R3HDM1: variants seen among roughly 807,000 people sequenced by gnomAD.
The protein encoded by R3HDM1 is R3H domain containing 1, also known as R3H domain-containing protein 1.
A neutral mutation model predicts 141.1 loss-of-function variants in R3HDM1; 46 were observed. The ratio of observed to expected loss-of-function variants is 0.33; its 90% CI spans 0.26 to 0.42. The LOEUF (loss-of-function observed/expected upper bound fraction) is 0.42, where lower values mean the gene tolerates loss of function less well. R3HDM1 is among the 10% of genes least tolerant of loss of function. The pLI, the probability that R3HDM1 is intolerant of heterozygous loss-of-function variation, is 1.00. For missense variants in R3HDM1, 1,184 were observed against 1,368.3 expected, an observed-to-expected ratio of 0.87 and a Z score of 2.12; for synonymous variants, 435 against 472.9, an observed-to-expected ratio of 0.92 and a Z score of 1.04.
At chr2:135,687,480 T>C (rs966987586) in intron 21 of R3HDM1, among the ~76,000 whole-genome samples, 1 of 152,236 alleles carries the variant, frequency 6.6e-6, no homozygotes, top group African/African-American at 2.4e-5. Context: ...TCCATTTTAA[T>C]AGTTCACATG....
At chr2:135,709,598 C>T (rs1208249616) in intron 22 of R3HDM1, 62 bp downstream of exon 22, 4 of 1,572,550 alleles carry the variant, frequency 2.5e-6, no homozygotes, top group Non-Finnish European at 2.6e-6. Context: ...CGATTACTTT[C>T]CTTAGGCATT....
intron 19 of R3HDM1, 149 bp from the exon 20 acceptor site, chr2:135,675,183 T>C: frequency 1.3e-6 from 1 of 759,494 alleles, no homozygotes; most frequent in Non-Finnish European, 2.0e-6. Context: ...TGGGCTAAAA[T>C]GTTATTTCAT....
intron 1 of R3HDM1, among the ~76,000 whole-genome samples, chr2:135,544,170 C>T (rs1263379942): frequency 6.6e-6 from 1 of 152,126 alleles, no homozygotes; most frequent in Non-Finnish European, 1.5e-5. Context: ...TTATATTTGT[C>T]GACCTCTCGC....
Position 135,538,224 on chromosome 2 carries a change from A to G in R3HDM1, c.-250+6591A>G, listed in dbSNP as rs896340118. Among the ~76,000 whole-genome samples, 6 of 152,334 alleles carry G rather than the reference A, an allele frequency of 3.9e-5. 1 individual carries two copies. In the South Asian group the frequency reaches 1.2e-3, roughly 32 times the overall value. On this transcript the variant is annotated intron_variant, in intron 1 of 26. Transcript: ENST00000683871. The stretch of plus-strand genomic sequence containing the variant: ...TCTAACACCATGGTTAAGTATCTGT[A>G]TATGTAAATAAAGACAAGGTATGGT...
intron 20 of R3HDM1, among the ~76,000 whole-genome samples, chr2:135,677,054 G>T (rs987232689): frequency 3.3e-5 from 5 of 152,230 alleles, no homozygotes; most frequent in Non-Finnish European, 5.9e-5. Flanking sequence ...GAAACCTTTA[G>T]CTCTTCAAAG....
chr2:135,569,195 G>A (rs58143717), intron 1 of R3HDM1, among the ~76,000 whole-genome samples: 24,708 of 151,820 alleles, frequency 0.16, 5,538 homozygotes, highest in African/African-American at 0.51. Flanking sequence ...TTTTAATTTC[G>A]CAATTACTGC....
At chr2:135,685,976 A>T (rs935473547) in intron 21 of R3HDM1, among the ~76,000 whole-genome samples, 1 of 152,200 alleles carries the variant, frequency 6.6e-6, no homozygotes, top group Non-Finnish European at 1.5e-5. Context: ...ATATTAAGGA[A>T]ATCCTGTAAT....
At chr2:135,623,775 A>AT (rs2061726398) in intron 7 of R3HDM1, among the ~76,000 whole-genome samples, 1 of 152,238 alleles carries the variant, frequency 6.6e-6, no homozygotes, top group Middle Eastern at 3.2e-3. Flanking sequence ...AAGGTATTAC[A>AT]TAGAAGCTCT....
At chr2:135,622,284 A>G (rs2061582725) in intron 6 of R3HDM1, 1 of 984,706 alleles carries the variant, frequency 1.0e-6, no homozygotes, top group Non-Finnish European at 1.2e-6. Context: ...TTAATTTGCT[A>G]CAAATGTAGT....
chr2:135,586,912 T>G (rs1476648172), intron 1 of R3HDM1: 1 of 984,896 alleles, frequency 1.0e-6, no homozygotes, highest in Admixed American at 6.2e-5. Flanking sequence ...TTTTAAAAAT[T>G]TTATTGTGGA....
At chr2:135,562,981 G>A (rs914332087) in intron 1 of R3HDM1, among the ~76,000 whole-genome samples, 2 of 152,264 alleles carry the variant, frequency 1.3e-5, no homozygotes, top group Admixed American at 6.5e-5. Flanking sequence ...AAAAATAATA[G>A]TATCCCCTTT....
At chr2:135,622,442 A>G (rs181209949) in intron 6 of R3HDM1, 1 of 984,028 alleles carries the variant, frequency 1.0e-6, no homozygotes. Flanking sequence ...ATGTGCGTGG[A>G]TATGCAGTTA....
intron 21 of R3HDM1, among the ~76,000 whole-genome samples, chr2:135,695,661 GC>G (rs147977144): frequency 0.03 from 4,493 of 152,262 alleles, 201 homozygotes; most frequent in African/African-American, 0.093. Flanking sequence ...AAGAATGTCA[GC>G]CGACTTAGAA....
intron 21 of R3HDM1, among the ~76,000 whole-genome samples, chr2:135,700,052 G>C (rs1204599462): frequency 2.6e-5 from 4 of 152,018 alleles, no homozygotes; most frequent in Non-Finnish European, 5.9e-5. Flanking sequence ...CAAAATTGCT[G>C]TACTTTTAAA....
At chr2:135,543,121 A>C in intron 1 of R3HDM1, 3 of 980,302 alleles carry the variant, frequency 3.1e-6, no homozygotes, top group Non-Finnish European at 3.6e-6. Context: ...AGTCTCTGTA[A>C]TATGTAAAAT....
chr2:135,630,303 A>AAC (rs2062566989), intron 7 of R3HDM1, among the ~76,000 whole-genome samples: 1 of 146,680 alleles, frequency 6.8e-6, no homozygotes, highest in African/African-American at 2.6e-5. Context: ...AAAAAAAAAA[A>AAC]AAAAACAAAA....
At chr2:135,704,606 G>GATTACAGTC (rs2074660253) in intron 21 of R3HDM1, among the ~76,000 whole-genome samples, 1 of 151,904 alleles carries the variant, frequency 6.6e-6, no homozygotes. Flanking sequence ...AAGTAGCTGG[G>GATTACAGTC]ATTACAGTCA....
At chr2:135,627,792 TG>T (rs1352858239) in intron 7 of R3HDM1, among the ~76,000 whole-genome samples, 4 of 152,186 alleles carry the variant, frequency 2.6e-5, no homozygotes, top group African/African-American at 9.6e-5. Flanking sequence ...TCTTATCTGT[TG>T]CAGACATTTA....
chr2:135,637,300 G>A (rs2063354426), intron 11 of R3HDM1, among the ~76,000 whole-genome samples: 1 of 152,136 alleles, frequency 6.6e-6, no homozygotes, highest in Non-Finnish European at 1.5e-5. Flanking sequence ...TCCAAGTCGA[G>A]AGTCAGTATG....
Sources: gnomAD v4.1 joint callset for allele counts (sites outside exome capture counted in the v4.1 genomes callset) on GRCh38, gnomAD v4.1.1 for gene constraint, MANE v1.5 for transcripts, NCBI Gene and HGNC (gene_info 2026-07-23, HGNC 2026-07-21) for gene names.